NUP37: variants seen among roughly 807,000 people sequenced by gnomAD.
The protein encoded by NUP37 is nucleoporin Nup37.
Under a neutral mutation model 45.4 loss-of-function variants are expected in NUP37, and 33 were observed. That is an observed-to-expected ratio of 0.73 (90% CI 0.55 to 0.97). The LOEUF (loss-of-function observed/expected upper bound fraction) is 0.97, where lower values mean the gene tolerates loss of function less well. Among genes scored for constraint, NUP37 ranks in the 50% least tolerant of loss-of-function variants. The probability of loss-of-function intolerance (pLI) is 0.00; values close to 1 mark genes in which losing one functional copy is unlikely to be tolerated. For synonymous variants in NUP37, 127 were observed against 130.7 expected, an observed-to-expected ratio of 0.97 and a Z score of 0.19; for missense variants, 365 against 389.7, an observed-to-expected ratio of 0.94 and a Z score of 0.53.
At position 102,093,129 on chromosome 12, in the gene NUP37, C is replaced by T. The variant is rs143657656; in HGVS notation, c.449+5977G>A. Reference sequence around the variant, plus strand: ...ATAACTGAAAATAATATGTCAAAATCAGAGTTGATAATAAAGACTGCATGT... The same window carrying T: ...ATAACTGAAAATAATATGTCAAAATTAGAGTTGATAATAAAGACTGCATGT... On this transcript the variant is annotated intron_variant, in intron 5 of 9. Coordinates refer to ENST00000552283, the MANE Select transcript of NUP37 (RefSeq NM_024057.4). 6.3e-3 allele frequency among the ~76,000 whole-genome samples: 953 copies of T among 152,008 alleles called. 6 individuals are homozygous for T. Among genetic ancestry groups the T allele is most frequent in the Non-Finnish European group, 9.4e-3 (640 of 67,858 alleles).
Position 102,118,504 on chromosome 12 carries a change from G to A in NUP37, c.15C>T (p.Ala5=). Residue 5 remains alanine (A), a synonymous_variant, in exon 2 of 10, where the codon GCC becomes GCT. Coordinates refer to ENST00000552283, the MANE Select transcript of NUP37 (RefSeq NM_024057.4). The part of the protein sequence containing the change: MKQD[A]SRNAAYTVDC... ...CCACAGTGTAGGCAGCATTTCTTGA[G>A]GCATCTTGCTTCATCTTGTATGTCA... 6.2e-7 allele frequency: 1 copy of A among 1,609,414 alleles called. No individual in the cohort carries two copies. The highest frequency in any genetic ancestry group is 1.7e-4 in the Middle Eastern group (1 of 6,030).
In NUP37 at chr12:102,101,549, T is replaced by C. The variant is rs578113646; in HGVS notation, c.282-445A>G. Among the ~76,000 whole-genome samples the C allele has an allele frequency of 2.0e-5, 3 of 152,284 alleles. No homozygotes were observed. In the South Asian group the frequency reaches 6.2e-4, roughly 32 times the overall value. ...CTGTTATCCATAATCCTTAGTTTTT[T>C]CTATTCCTCCAAATAAATCAGATGA... On this transcript the variant is annotated intron_variant, in intron 3 of 9. Transcript: ENST00000552283.
intron 2 of NUP37, chr12:102,115,713 A>T: frequency 2.2e-6 from 1 of 452,838 alleles, no homozygotes; most frequent in East Asian, 1.6e-4. Flanking sequence ...TTGAAATTCA[A>T]ATTCACTATA....
chr12:102,107,941 G>A (rs1245068091), intron 3 of NUP37, among the ~76,000 whole-genome samples: 1 of 152,164 alleles, frequency 6.6e-6, no homozygotes, highest in African/African-American at 2.4e-5. Context: ...CACACTGGCA[G>A]CCTCAAGTGT....
At chr12:102,100,650 C>G (rs554315698) in intron 4 of NUP37, among the ~76,000 whole-genome samples, 1 of 152,130 alleles carries the variant, frequency 6.6e-6, no homozygotes, top group Non-Finnish European at 1.5e-5. Context: ...TGCTCTTAAC[C>G]GCTTTGGAAT....
Position 102,074,276 on chromosome 12 carries a change from C to T in NUP37, c.*78G>A, listed in dbSNP as rs1402443773. Reference sequence around the variant, plus strand: ...CGGTATATTTGATATAAAAATTCTTCAAAATATGTACTATAGAAATTCTTC... The same window carrying T: ...CGGTATATTTGATATAAAAATTCTTTAAAATATGTACTATAGAAATTCTTC... On this transcript the variant is annotated 3_prime_UTR_variant, in exon 10 of 10. Coordinates refer to ENST00000552283, the MANE Select transcript of NUP37 (RefSeq NM_024057.4). 9 of 793,584 alleles carry T rather than the reference C, an allele frequency of 1.1e-5. No homozygotes were observed. The highest frequency in any genetic ancestry group is 1.4e-5 in the Non-Finnish European group (7 of 499,178). The allele number at this position is 793,584 out of a possible 1,614,324, so 49.2% of individuals were successfully genotyped here. A position where few individuals can be genotyped will look rare whatever the true frequency, so the allele number is the denominator to read the frequency against.
intron 5 of NUP37, among the ~76,000 whole-genome samples, chr12:102,098,773 C>T (rs1377519721): frequency 1.3e-5 from 2 of 152,178 alleles, no homozygotes; most frequent in East Asian, 3.8e-4. Flanking sequence ...CTCAGGTGAT[C>T]TGCCCACCTT....
chr12:102,082,693 T>C (rs979150911), intron 6 of NUP37, among the ~76,000 whole-genome samples: 8 of 152,236 alleles, frequency 5.3e-5, no homozygotes, highest in African/African-American at 1.9e-4. Context: ...ACCACTTCTC[T>C]GTATTCTAGG....
intron 3 of NUP37, among the ~76,000 whole-genome samples, chr12:102,103,376 C>A (rs1880030177): frequency 6.6e-6 from 1 of 152,054 alleles, no homozygotes; most frequent in African/African-American, 2.4e-5. Context: ...ACCTTAATTT[C>A]TTTTTCAGAT....
intron 2 of NUP37, among the ~76,000 whole-genome samples, chr12:102,116,662 T>C (rs750541415): frequency 3.3e-5 from 5 of 152,236 alleles, no homozygotes; most frequent in Non-Finnish European, 5.9e-5. Context: ...TATATATTCA[T>C]TGTGCTATAA....
intron 1 of NUP37, 39 bp downstream of exon 1, chr12:102,120,011 A>C (rs996094310): frequency 6.5e-6 from 1 of 153,872 alleles, no homozygotes; most frequent in Non-Finnish European, 1.4e-5. Context: ...GCCGGCAGAA[A>C]AGCATCCCGG....
At chr12:102,106,965 C>A (rs1182658449) in intron 3 of NUP37, among the ~76,000 whole-genome samples, 1 of 152,152 alleles carries the variant, frequency 6.6e-6, no homozygotes, top group South Asian at 2.1e-4. Flanking sequence ...CAATGAGGCA[C>A]CAGACCCCTC....
At chr12:102,094,739 A>T (rs1399402364) in intron 5 of NUP37, among the ~76,000 whole-genome samples, 1 of 152,092 alleles carries the variant, frequency 6.6e-6, no homozygotes, top group Non-Finnish European at 1.5e-5. Flanking sequence ...CTAATATCTT[A>T]TTCTTTATTT....
At chr12:102,082,346 A>C (rs1396565306) in intron 6 of NUP37, among the ~76,000 whole-genome samples, 2 of 152,100 alleles carry the variant, frequency 1.3e-5, no homozygotes, top group Non-Finnish European at 2.9e-5. Flanking sequence ...CATCAAGGCC[A>C]AGCATAAGAG....
intron 6 of NUP37, among the ~76,000 whole-genome samples, chr12:102,078,375 T>C (rs913333594): frequency 5.3e-5 from 8 of 152,086 alleles, no homozygotes; most frequent in Non-Finnish European, 1.2e-4. Flanking sequence ...TAAGTGATGA[T>C]GTGCCGTCAC....
At chr12:102,099,829 T>C (rs1281329704) in intron 4 of NUP37, among the ~76,000 whole-genome samples, 5 of 152,212 alleles carry the variant, frequency 3.3e-5, no homozygotes, top group Non-Finnish European at 7.3e-5. Flanking sequence ...ATCTTCATAG[T>C]TGAAATCCTA....
intron 3 of NUP37, among the ~76,000 whole-genome samples, chr12:102,102,085 G>A (rs1287368231): frequency 6.6e-6 from 1 of 152,180 alleles, no homozygotes; most frequent in East Asian, 1.9e-4. Flanking sequence ...CTCAGGATGT[G>A]AGACAATGGC....
At chr12:102,078,390 A>G (rs550198328) in intron 6 of NUP37, among the ~76,000 whole-genome samples, 1 of 152,258 alleles carries the variant, frequency 6.6e-6, no homozygotes, top group South Asian at 2.1e-4. Flanking sequence ...CGTCACTAAG[A>G]AGAAGAGATC....
intron 5 of NUP37, among the ~76,000 whole-genome samples, chr12:102,097,944 T>G (rs1193426441): frequency 6.6e-6 from 1 of 152,124 alleles, no homozygotes; most frequent in Non-Finnish European, 1.5e-5. Context: ...AGATGAGCTA[T>G]ATTAAGAAGA....
Sources: allele counts gnomAD v4.1 joint callset (sites outside exome capture counted in the v4.1 genomes callset), GRCh38; gene constraint gnomAD v4.1.1; transcripts MANE v1.5; gene names NCBI Gene and HGNC (gene_info 2026-07-23, HGNC 2026-07-21).